The following TMEM245 variants were observed in gnomAD, a reference collection of about 807,000 sequenced individuals.
TMEM245 encodes transmembrane protein 245.
Under a neutral mutation model 101.2 loss-of-function variants are expected in TMEM245, and 69 were observed. The ratio of observed to expected loss-of-function variants is 0.68; its 90% CI spans 0.56 to 0.83. The LOEUF (loss-of-function observed/expected upper bound fraction) is 0.83, where lower values mean the gene tolerates loss of function less well. TMEM245 is among the 40% of genes least tolerant of loss of function. The pLI is 0.00. For synonymous variants in TMEM245, 537 were observed against 449.8 expected, an observed-to-expected ratio of 1.19 and a Z score of -2.45; for missense variants, 1,075 against 1,092.8, an observed-to-expected ratio of 0.98 and a Z score of 0.23.
chr9:109,073,536 C>T, intron 8 of TMEM245, 98 bp from the exon 9 acceptor site: 2 of 865,792 alleles, frequency 2.3e-6, no homozygotes, highest in Non-Finnish European at 3.6e-6. Flanking sequence ...GCTTTGAGAG[C>T]CAAATAAATA....
At chr9:109,030,807 C>T (rs1376999898) in intron 17 of TMEM245, among the ~76,000 whole-genome samples, 1 of 152,208 alleles carries the variant, frequency 6.6e-6, no homozygotes, top group Non-Finnish European at 1.5e-5. Context: ...GGCCCCCTAA[C>T]CAGCTCTAAC....
chr9:109,051,438 T>C (rs12004873), intron 12 of TMEM245, among the ~76,000 whole-genome samples: 9,115 of 152,088 alleles, frequency 0.06, 929 homozygotes, highest in African/African-American at 0.21. Context: ...CATTAGGCAA[T>C]TTCGTCCTGC....
chr9:109,086,469 T>C (rs1258485835), intron 6 of TMEM245, among the ~76,000 whole-genome samples: 1 of 152,210 alleles, frequency 6.6e-6, no homozygotes, highest in Non-Finnish European at 1.5e-5. Context: ...GTGCTGCCAC[T>C]GTATCCCATA....
intron 8 of TMEM245, among the ~76,000 whole-genome samples, chr9:109,077,073 TATA>T (rs1233869778): frequency 6.6e-6 from 1 of 150,976 alleles, no homozygotes; most frequent in African/African-American, 2.4e-5. Context: ...TAATTTTTGT[TATA>T]ATATTATATA....
chr9:109,109,686 A>C (rs1448533941), intron 1 of TMEM245, among the ~76,000 whole-genome samples: 1 of 152,144 alleles, frequency 6.6e-6, no homozygotes, highest in Non-Finnish European at 1.5e-5. Flanking sequence ...AAATATAAAG[A>C]AGCTCATCAG....
At position 109,119,946 on chromosome 9, in the gene TMEM245, G is replaced by C; in HGVS notation, c.-33C>G. 7.7e-7 allele frequency: 1 copy of C among 1,291,902 alleles called. No individual in the cohort carries two copies. The highest frequency in any genetic ancestry group is 9.8e-7 in the Non-Finnish European group (1 of 1,023,000). 80.0% of individuals were successfully genotyped at this position (1,291,902 alleles called of 1,614,324 possible). ...CCGCCACAGCCGCCCCCGAGGGGCG[G>C]TAATGGGAGTCGGGCTAGAAACGCG... On this transcript the variant is annotated 5_prime_UTR_variant, in exon 1 of 18. Transcript: ENST00000374586.
At chr9:109,103,767 G>A (rs966865674) in intron 3 of TMEM245, among the ~76,000 whole-genome samples, 1 of 152,130 alleles carries the variant, frequency 6.6e-6, no homozygotes, top group Non-Finnish European at 1.5e-5. Context: ...GAAGCTGGAA[G>A]TGGTTATTAA....
intron 1 of TMEM245, among the ~76,000 whole-genome samples, chr9:109,113,266 T>C (rs1830617825): frequency 6.6e-6 from 1 of 152,208 alleles, no homozygotes; most frequent in African/African-American, 2.4e-5. Context: ...CAATTTCTAG[T>C]CTAGGACCTC....
chr9:109,056,077 A>G (rs1476987025), intron 12 of TMEM245, among the ~76,000 whole-genome samples: 1 of 152,248 alleles, frequency 6.6e-6, no homozygotes, highest in Non-Finnish European at 1.5e-5. Context: ...CATCTTCCAC[A>G]TTAGGAAGCC....
intron 8 of TMEM245, among the ~76,000 whole-genome samples, chr9:109,073,856 G>GTTTTTTTT (rs904054098): frequency 8.3e-6 from 1 of 119,814 alleles, no homozygotes. Context: ...TTTTTTTTTT[G>GTTTTTTTT]TTTTTTTTTT....
chr9:109,093,379 T>A (rs1212037492), intron 4 of TMEM245, 96 bp downstream of exon 4: 6 of 942,422 alleles, frequency 6.4e-6, no homozygotes, highest in Non-Finnish European at 9.9e-6. Flanking sequence ...TCAGCAGGAG[T>A]AAGTAGCATT....
intron 17 of TMEM245, among the ~76,000 whole-genome samples, chr9:109,032,399 T>G (rs1827983661): frequency 1.0e-5 from 1 of 97,708 alleles, no homozygotes; most frequent in Admixed American, 1.2e-4. Context: ...TTTTTTTTTT[T>G]TTGAGACAAG....
intron 5 of TMEM245, 71 bp from the exon 6 acceptor site, chr9:109,087,413 T>G: frequency 7.2e-7 from 1 of 1,381,940 alleles, no homozygotes; most frequent in Non-Finnish European, 9.7e-7. Context: ...AAAGGTACCT[T>G]AATTTCACAA....
At chr9:109,069,578 T>A (rs1829268659) in intron 9 of TMEM245, among the ~76,000 whole-genome samples, 1 of 152,194 alleles carries the variant, frequency 6.6e-6, no homozygotes, top group African/African-American at 2.4e-5. Flanking sequence ...ACAGTATTTA[T>A]ATCCATATCC....
Position 109,119,401 on chromosome 9 carries a change from C to T in TMEM245, c.513G>A (p.Val171=). The change falls in exon 1 of 18, where the codon GTG becomes GTA. Residue 171 remains valine, a synonymous_variant. Transcript: ENST00000374586. ...TGGCAGCGTGCACCAGCAGCACCTG[C>T]ACGCCCAAGTAGCTGCCGAGGCAGT... ...GLYCLGSYLG[V]QVLLVHAATL... The T allele has an allele frequency of 6.5e-7, 1 of 1,528,260 alleles. No individual in the cohort carries two copies. 94.7% of individuals were successfully genotyped at this position (1,528,260 alleles called of 1,614,324 possible). A position where few individuals can be genotyped will look rare whatever the true frequency, so the allele number is the denominator to read the frequency against.
chr9:109,048,726 T>C (rs1027654268), intron 14 of TMEM245, among the ~76,000 whole-genome samples: 1 of 151,882 alleles, frequency 6.6e-6, no homozygotes, highest in African/African-American at 2.4e-5. Context: ...CTACCAGAAA[T>C]GATGAAGAGG....
intron 15 of TMEM245, 50 bp downstream of exon 15, chr9:109,037,967 C>A: frequency 6.9e-7 from 1 of 1,440,786 alleles, no homozygotes; most frequent in Non-Finnish European, 9.4e-7. Context: ...TGTAAAATGG[C>A]TTAACTTTCC....
chr9:109,099,721 G>A (rs543364961), intron 3 of TMEM245, among the ~76,000 whole-genome samples: 3 of 152,220 alleles, frequency 2.0e-5, no homozygotes, highest in East Asian at 1.9e-4. Context: ...TTCCTCAGAC[G>A]CCAAGGGAAC....
At chr9:109,111,711 G>A (rs1224616271) in intron 1 of TMEM245, among the ~76,000 whole-genome samples, 1 of 152,078 alleles carries the variant, frequency 6.6e-6, no homozygotes, top group African/African-American at 2.4e-5. Context: ...TTTAAATAAT[G>A]CTATCTCCAA....
Sources: allele counts gnomAD v4.1 joint callset (sites outside exome capture counted in the v4.1 genomes callset), GRCh38; gene constraint gnomAD v4.1.1; transcripts MANE v1.5; gene names NCBI Gene and HGNC (gene_info 2026-07-23, HGNC 2026-07-21).